Variants in NCKAP5 observed in about 807,000 individuals in gnomAD.
The protein encoded by NCKAP5 is nck-associated protein 5.
A neutral mutation model predicts 167.0 loss-of-function variants in NCKAP5; 92 were observed. The observed-to-expected ratio is 0.55, with a 90% CI of 0.47 to 0.66. The LOEUF (loss-of-function observed/expected upper bound fraction) is 0.66, where lower values mean the gene tolerates loss of function less well. NCKAP5 is among the 30% of genes least tolerant of loss of function. The probability of loss-of-function intolerance (pLI) is 0.00; values close to 1 mark genes in which losing one functional copy is unlikely to be tolerated. For missense variants in NCKAP5, 2,378 were observed against 2,315.0 expected (o/e 1.03, Z -0.56); for synonymous variants, 891 against 877.4 (o/e 1.02, Z -0.27).
chr2:133,361,594 C>T (rs951472791), intron 3 of NCKAP5, among the ~76,000 whole-genome samples: 17 of 152,220 alleles, frequency 1.1e-4, no homozygotes, highest in African/African-American at 3.9e-4. Flanking sequence ...GTGAAGAAAA[C>T]GGACGTGAGC....
chr2:133,496,497 G>A (rs568844077), intron 3 of NCKAP5, among the ~76,000 whole-genome samples: 1 of 152,158 alleles, frequency 6.6e-6, no homozygotes, highest in South Asian at 2.1e-4. Flanking sequence ...TAAAACTTAG[G>A]ACTGTACCAA....
chr2:133,586,728 G>T, the NCKAP5 span, among the ~76,000 whole-genome samples: 1 of 149,600 alleles, frequency 6.7e-6, no homozygotes, highest in Non-Finnish European at 1.5e-5. Context: ...ATTGGCACTT[G>T]ATCCCATCTT....
chr2:133,309,479 G>C (rs551371787), intron 3 of NCKAP5, among the ~76,000 whole-genome samples: 1 of 152,176 alleles, frequency 6.6e-6, no homozygotes, highest in East Asian at 1.9e-4. Context: ...GGGGGCTGAA[G>C]GTGGGGGGCA....
intron 6 of NCKAP5, among the ~76,000 whole-genome samples, chr2:133,044,089 G>C (rs1399492242): frequency 1.3e-5 from 2 of 152,080 alleles, no homozygotes; most frequent in Non-Finnish European, 2.9e-5. Context: ...GAAAAAGATA[G>C]GCTGCCCAGT....
At chr2:133,664,532 G>A in the NCKAP5 span, among the ~76,000 whole-genome samples, 2 of 152,214 alleles carry the variant, frequency 1.3e-5, no homozygotes, top group Non-Finnish European at 2.9e-5. Flanking sequence ...ACAGAGTCTC[G>A]CTCTGTTGCC....
At chr2:133,077,414 T>G (rs926910330) in intron 6 of NCKAP5, among the ~76,000 whole-genome samples, 2 of 152,226 alleles carry the variant, frequency 1.3e-5, no homozygotes, top group Admixed American at 1.3e-4. Context: ...TTTTGCCTGC[T>G]GACCCTGTTC....
intron 19 of NCKAP5, among the ~76,000 whole-genome samples, chr2:132,676,894 G>A (rs1684566014): frequency 6.6e-6 from 1 of 152,174 alleles, no homozygotes; most frequent in Non-Finnish European, 1.5e-5. Flanking sequence ...TTAAATTCCT[G>A]TAGCAGTATG....
At chr2:132,991,944 A>G (rs932852221) in intron 7 of NCKAP5, among the ~76,000 whole-genome samples, 5 of 152,198 alleles carry the variant, frequency 3.3e-5, no homozygotes, top group African/African-American at 1.2e-4. Flanking sequence ...GAAAAATAGA[A>G]TTTGTGAGAT....
At chr2:133,278,660 C>T (rs536114933) in intron 4 of NCKAP5, among the ~76,000 whole-genome samples, 1 of 149,682 alleles carries the variant, frequency 6.7e-6, no homozygotes, top group Non-Finnish European at 1.5e-5. Flanking sequence ...CCACACATAG[C>T]AAGAAAAAAC....
intron 6 of NCKAP5, among the ~76,000 whole-genome samples, chr2:133,024,438 A>C (rs1181788260): frequency 6.6e-6 from 1 of 152,222 alleles, no homozygotes; most frequent in Non-Finnish European, 1.5e-5. Context: ...TATGAATCTG[A>C]ATAAGCAAAC....
intron 11 of NCKAP5, among the ~76,000 whole-genome samples, chr2:132,803,441 A>G (rs1463929187): frequency 6.6e-6 from 1 of 152,240 alleles, no homozygotes; most frequent in Non-Finnish European, 1.5e-5. Flanking sequence ...CCAAGGTTAT[A>G]AAATACTTTT....
chr2:132,799,497 G>T (rs1413415390), intron 11 of NCKAP5, among the ~76,000 whole-genome samples: 4 of 152,236 alleles, frequency 2.6e-5, no homozygotes, highest in Non-Finnish European at 4.4e-5. Context: ...AAGAAAGACA[G>T]AAGTGGCTAT....
At chr2:133,437,968 T>G (rs1690599546) in intron 3 of NCKAP5, among the ~76,000 whole-genome samples, 1 of 152,234 alleles carries the variant, frequency 6.6e-6, no homozygotes, top group South Asian at 2.1e-4. Context: ...AGAAGGGATT[T>G]GCCTGCATTT....
intron 2 of NCKAP5, among the ~76,000 whole-genome samples, chr2:133,536,760 C>T (rs533254766): frequency 2.6e-4 from 39 of 151,624 alleles, no homozygotes; most frequent in African/African-American, 9.4e-4. Flanking sequence ...TTTCATGGGG[C>T]TTTTTTTCTT....
chr2:132,910,469 G>A (rs746145260), intron 8 of NCKAP5, among the ~76,000 whole-genome samples: 3 of 151,748 alleles, frequency 2.0e-5, no homozygotes, highest in Non-Finnish European at 2.9e-5. Flanking sequence ...ATATTCATGA[G>A]TTCAATTATT....
At chr2:133,145,300 T>C (rs933840176) in intron 5 of NCKAP5, among the ~76,000 whole-genome samples, 11 of 151,930 alleles carry the variant, frequency 7.2e-5, no homozygotes, top group Admixed American at 2.0e-4. Flanking sequence ...TGAGAACACA[T>C]GGACACAGGA....
intron 6 of NCKAP5, among the ~76,000 whole-genome samples, chr2:132,997,141 A>T (rs541908005): frequency 6.6e-6 from 1 of 152,330 alleles, no homozygotes; most frequent in Admixed American, 6.5e-5. Context: ...GCAGGATAAG[A>T]CAGTTCAAAA....
intron 16 of NCKAP5, among the ~76,000 whole-genome samples, chr2:132,764,584 A>T (rs1440927098): frequency 6.6e-6 from 1 of 152,210 alleles, no homozygotes; most frequent in Non-Finnish European, 1.5e-5. Flanking sequence ...ACAGGATCTG[A>T]ACCATACAAA....
intron 7 of NCKAP5, among the ~76,000 whole-genome samples, chr2:132,976,260 T>C (rs997071231): frequency 2.0e-4 from 30 of 151,958 alleles, no homozygotes; most frequent in Non-Finnish European, 4.1e-4. Context: ...GGTCAAGGGA[T>C]ACAAAATTTC....
Sources: gnomAD v4.1 joint callset for allele counts (sites outside exome capture counted in the v4.1 genomes callset) on GRCh38, gnomAD v4.1.1 for gene constraint, MANE v1.5 for transcripts, NCBI Gene and HGNC (gene_info 2026-07-23, HGNC 2026-07-21) for gene names.